The following KIF19 variants were observed in gnomAD, a reference collection of about 807,000 sequenced individuals.
The protein encoded by KIF19 is kinesin family member 19, also known as kinesin-like protein KIF19.
In KIF19, 98 loss-of-function variants were observed where a neutral mutation model predicts 106.6. That is an observed-to-expected ratio of 0.92 (90% CI 0.78 to 1.09). The LOEUF (loss-of-function observed/expected upper bound fraction) is 1.09. KIF19 is among the 50% of genes least tolerant of loss of function. The probability of loss-of-function intolerance (pLI) is 0.00; values close to 1 mark genes in which losing one functional copy is unlikely to be tolerated. For missense variants in KIF19, 1,373 were observed against 1,414.3 expected (o/e 0.97, Z 0.47); for synonymous variants, 516 against 584.2 (o/e 0.88, Z 1.68).
intron 2 of KIF19, among the ~76,000 whole-genome samples, chr17:74,330,223 C>T (rs768006312): frequency 2.6e-5 from 4 of 152,170 alleles, no homozygotes; most frequent in Middle Eastern, 3.2e-3. Context: ...AACAGTGGTT[C>T]GAGGAGGTTC....
intron 9 of KIF19, 55 bp from the exon 10 acceptor site, chr17:74,349,129 G>A (rs770992744): frequency 1.5e-4 from 243 of 1,599,886 alleles, no homozygotes; most frequent in African/African-American, 7.4e-4. Context: ...GGCAGGCCTC[G>A]GTGAGTGCAC....
rs1005467650 is a variant in KIF19, at chr17:74,351,910, G to A, written c.1631G>A (p.Arg544Gln). ...TGCCGGGAGCTGCGCGCGCGGGGCC[G>A]GCGCCTGGAGGAGACGCTGCCGCGG... Reference protein sequence around the residue: ...QRCRELRARGRRLEETLPRRI... With the variant: ...QRCRELRARGQRLEETLPRRI... Residue 544 changes from arginine to glutamine, a missense_variant, in exon 13 of 20, where the codon CGG becomes CAG. This residue lies in a region of KIF19 where 1,020 missense variants were observed against 1,008.2 expected (regional missense o/e 1.01). Transcript: ENST00000389916. 3.8e-5 allele frequency: 54 copies of A among 1,424,610 alleles called. No individual in the cohort carries two copies. The highest frequency in any genetic ancestry group is 3.5e-5 in the Non-Finnish European group (38 of 1,097,068). 88.2% of individuals were successfully genotyped at this position (1,424,610 alleles called of 1,614,324 possible). A position where few individuals can be genotyped will look rare whatever the true frequency, so the allele number is the denominator to read the frequency against.
At chr17:74,335,495 C>T (rs2054196200) in intron 2 of KIF19, among the ~76,000 whole-genome samples, 1 of 152,256 alleles carries the variant, frequency 6.6e-6, no homozygotes, top group South Asian at 2.1e-4. Flanking sequence ...TCTCCCTGGC[C>T]TGAGGCCCCC....
chr17:74,354,339 G>A lies in KIF19; in HGVS notation c.2486G>A (p.Cys829Tyr). The change falls in exon 18 of 20, where the codon TGC becomes TAC. Residue 829 changes from cysteine to tyrosine, a missense_variant. Cys to Tyr is a radical substitution (Grantham distance 194). Coordinates refer to ENST00000389916, the MANE Select transcript of KIF19 (RefSeq NM_153209.4). Reference protein sequence around the residue: ...DDARPPGPLACKRPPSPTLQH... With the variant: ...DDARPPGPLAYKRPPSPTLQH... ...GCGCGGCCACCAGGCCCACTGGCCT[G>A]CAAGCGGCCGCCCAGCCCCACACTA... 6.2e-6 allele frequency: 10 copies of A among 1,606,030 alleles called. No individual in the cohort carries two copies. The highest frequency in any genetic ancestry group is 8.5e-6 in the Non-Finnish European group (10 of 1,176,876).
intron 2 of KIF19, among the ~76,000 whole-genome samples, chr17:74,337,642 C>T (rs1422926606): frequency 6.6e-6 from 1 of 152,076 alleles, no homozygotes; most frequent in African/African-American, 2.4e-5. Context: ...GGAAGTCTTC[C>T]TCTAGGAGTA....
At chr17:74,342,509 T>C in intron 3 of KIF19, 121 bp from the exon 4 acceptor site, 1 of 618,178 alleles carries the variant, frequency 1.6e-6, no homozygotes, top group Non-Finnish European at 2.8e-6. Context: ...CACCCCCACT[T>C]ATCTTGGGGC....
At chr17:74,334,030 G>T (rs2054163047) in intron 2 of KIF19, among the ~76,000 whole-genome samples, 3 of 151,728 alleles carry the variant, frequency 2.0e-5, no homozygotes, top group African/African-American at 7.3e-5. Context: ...TGGCTATCTT[G>T]CCCAGGCTGG....
intron 7 of KIF19, among the ~76,000 whole-genome samples, chr17:74,345,554 G>T (rs1046023136): frequency 6.6e-6 from 1 of 152,120 alleles, no homozygotes; most frequent in Non-Finnish European, 1.5e-5. Flanking sequence ...CTGCAGCCTT[G>T]GTGGCAGCAC....
rs556451116 is a variant in KIF19 at position 74,349,709 on chromosome 17, C to T, written c.1213+360C>T. Among the ~76,000 whole-genome samples the T allele has an allele frequency of 1.1e-3, 166 of 152,278 alleles. 1 individual carries two copies. Among genetic ancestry groups the T allele is most frequent in the African/African-American group, 3.8e-3 (157 of 41,550 alleles). ...GGAATGGGCTCCGTTTCCTTGTAGA[C>T]CTGCATATTTGCTATGATGGTTTTC... On this transcript the variant is annotated intron_variant, in intron 10 of 19. Transcript: ENST00000389916.
At chr17:74,338,652 A>G (rs926539773) in intron 2 of KIF19, among the ~76,000 whole-genome samples, 1 of 151,802 alleles carries the variant, frequency 6.6e-6, no homozygotes, top group East Asian at 1.9e-4. Flanking sequence ...ACAGGTATGA[A>G]CCTATCCCAG....
Position 74,351,856 on chromosome 17 carries a change from G to A in KIF19, c.1588-11G>A, listed in dbSNP as rs776502787. 17 of 1,380,544 alleles carry A rather than the reference G, an allele frequency of 1.2e-5. No homozygotes were observed. In the Admixed American group the frequency reaches 5.3e-4, roughly 43 times the overall value. The allele number at this position is 1,380,544 out of a possible 1,614,324, so 85.5% of individuals were successfully genotyped here. ...TCCCCGCTGCCAGATGCTGACCTGC[G>A]CCTCCTGCAGCTGGCGCTGGAGCAG... On this transcript the variant is annotated splice_polypyrimidine_tract_variant and intron_variant, in intron 12 of 19. Coordinates refer to ENST00000389916, the MANE Select transcript of KIF19 (RefSeq NM_153209.4).
chr17:74,330,953 A>T (rs2054061118), intron 2 of KIF19, among the ~76,000 whole-genome samples: 1 of 152,162 alleles, frequency 6.6e-6, no homozygotes, highest in African/African-American at 2.4e-5. Flanking sequence ...TGCACCAGGG[A>T]TCCAGCCCAG....
In KIF19 at chr17:74,355,211, C is replaced by T. The variant is rs766266838; in HGVS notation, c.2896C>T (p.Pro966Ser). Residue 966 changes from proline (P) to serine (S), a missense_variant, in exon 20 of 20, where the codon CCC (proline) becomes TCC (serine). Physicochemically the swap from Pro to Ser is moderately conservative, Grantham distance 74. This residue lies in a region of KIF19 where 1,020 missense variants were observed against 1,008.2 expected (regional missense o/e 1.01). Transcript: ENST00000389916. ...GGGGGACTCCTCACCCCTGGCTGTTCCCCCCAACCCAGGTGGTGGTTCTCG... is the reference window on the plus strand; with the variant it reads ...GGGGGACTCCTCACCCCTGGCTGTTTCCCCCAACCCAGGTGGTGGTTCTCG... ...GPGDSSPLAV[P>S]PNPGGGSRRA... The T allele has an allele frequency of 1.9e-6, 3 of 1,610,082 alleles. No homozygotes were observed. Among genetic ancestry groups the T allele is most frequent in the South Asian group, 1.1e-5 (1 of 90,730 alleles).
chr17:74,344,497 C>A, intron 6 of KIF19, 149 bp downstream of exon 6: 1 of 1,254,806 alleles, frequency 8.0e-7, no homozygotes, highest in Non-Finnish European at 1.1e-6. Flanking sequence ...AAGGAGGGGA[C>A]TCACACCTGC....
At chr17:74,347,637 C>A in intron 8 of KIF19, 140 bp from the exon 9 acceptor site, 2 of 930,756 alleles carry the variant, frequency 2.1e-6, no homozygotes, top group Non-Finnish European at 3.2e-6. Flanking sequence ...AGCCTCACAC[C>A]ATATGACGCT....
Position 74,354,577 on chromosome 17 carries a change from G to C in KIF19, c.2706+18G>C. 1 of 1,578,876 alleles carries C rather than the reference G, an allele frequency of 6.3e-7. No homozygotes were observed. The highest frequency in any genetic ancestry group is 8.6e-7 in the Non-Finnish European group (1 of 1,164,512). On this transcript the variant is annotated intron_variant, in intron 18 of 19. Transcript: ENST00000389916. The stretch of plus-strand genomic sequence containing the variant: ...GGCAAGGGGTGAGGCGAGGCGCAGG[G>C]GTGGGTGTCTAGGCACTCCCATAGC...
intron 8 of KIF19, among the ~76,000 whole-genome samples, chr17:74,347,410 G>A (rs761321957): frequency 1.3e-5 from 2 of 152,104 alleles, no homozygotes; most frequent in South Asian, 2.1e-4. Flanking sequence ...GGTGGCAGAC[G>A]CCTATAGTCC....
chr17:74,354,392 T>C lies in KIF19; in HGVS notation c.2539T>C (p.Ser847Pro), dbSNP rs1303850042. ...GCATGCTGCCAGTGAGGACAACCTG[T>C]CCAGCAGCACGGGCGAGGCCCCGTC... The part of the protein sequence containing the change: ...LQHAASEDNL[S>P]SSTGEAPSRA... The change falls in exon 18 of 20, where the codon TCC (serine) becomes CCC (proline). Residue 847 changes from serine (S) to proline (P), a missense_variant. Physicochemically the swap from Ser to Pro is moderately conservative, Grantham distance 74. Transcript: ENST00000389916. 1 of 1,610,604 alleles carries C rather than the reference T, an allele frequency of 6.2e-7. No homozygotes were observed.
At chr17:74,343,404 G>A (rs1456827877) in intron 5 of KIF19, among the ~76,000 whole-genome samples, 3 of 152,130 alleles carry the variant, frequency 2.0e-5, no homozygotes, top group Non-Finnish European at 2.9e-5. Flanking sequence ...CCTGTGCCAC[G>A]CTCACCACCT....
Sources: gnomAD v4.1 joint callset for allele counts (sites outside exome capture counted in the v4.1 genomes callset) on GRCh38, gnomAD v4.1.1 for gene constraint, gnomAD v4.1.1 regional missense constraint, MANE v1.5 for transcripts, NCBI Gene and HGNC (gene_info 2026-07-23, HGNC 2026-07-21) for gene names.